The following HTR1E variants were observed in gnomAD, a reference collection of about 807,000 sequenced individuals.
HTR1E encodes 5-hydroxytryptamine receptor 1E, also known as 5-HT-1E.
HTR1E carries 3 observed loss-of-function variants against 3.4 expected under a neutral mutation model. The observed-to-expected ratio is 0.89, with a 90% CI of 0.41 to 2.31. The LOEUF is 2.31. Ranked by LOEUF, HTR1E falls within the 30% of genes most tolerant of loss-of-function variation. The pLI is 0.05. For synonymous variants in HTR1E, 170 were observed against 182.8 expected (o/e 0.93, Z 0.56); for missense variants, 392 against 467.0 (o/e 0.84, Z 1.48).
intron 1 of HTR1E, among the ~76,000 whole-genome samples, chr6:86,962,711 G>A (rs1767426124): frequency 6.6e-6 from 1 of 152,030 alleles, no homozygotes; most frequent in Non-Finnish European, 1.5e-5. Context: ...AGTGGTGCAT[G>A]CCTATAGTCC....
chr6:86,986,249 T>C (rs1767785071), intron 1 of HTR1E, among the ~76,000 whole-genome samples: 2 of 152,316 alleles, frequency 1.3e-5, no homozygotes, highest in South Asian at 2.1e-4. Context: ...ATATGCTTTT[T>C]TTCACAGGAG....
At chr6:86,986,074 C>T (rs185939102) in intron 1 of HTR1E, among the ~76,000 whole-genome samples, 53 of 152,300 alleles carry the variant, frequency 3.5e-4, no homozygotes, top group African/African-American at 1.2e-3. Context: ...TCTCCACAGA[C>T]TCTTCACCTC....
chr6:86,947,121 A>C (rs893158232), intron 1 of HTR1E, among the ~76,000 whole-genome samples: 1 of 152,282 alleles, frequency 6.6e-6, no homozygotes, highest in Admixed American at 6.5e-5. Context: ...TGTCTCAAAA[A>C]AAAAATGCAC....
At chr6:86,997,702 A>T (rs1480774106) in intron 1 of HTR1E, among the ~76,000 whole-genome samples, 2 of 151,852 alleles carry the variant, frequency 1.3e-5, no homozygotes, top group Admixed American at 1.3e-4. Flanking sequence ...AGGCTTGGAC[A>T]AATAGAAAAT....
At chr6:86,943,724 TTTCCTCATTTG>T (rs71710541) in intron 1 of HTR1E, among the ~76,000 whole-genome samples, 56,790 of 151,932 alleles carry the variant, frequency 0.37, 12,778 homozygotes, top group Non-Finnish European at 0.48. Flanking sequence ...TAAACCTCAG[TTTCCTCATTTG>T]TTGGGGCTCA....
intron 1 of HTR1E, among the ~76,000 whole-genome samples, chr6:86,942,699 T>C (rs529196088): frequency 6.6e-6 from 1 of 152,358 alleles, no homozygotes; most frequent in Non-Finnish European, 1.5e-5. Flanking sequence ...TTTTATTTCA[T>C]AGATTGTAAA....
intron 1 of HTR1E, among the ~76,000 whole-genome samples, chr6:87,010,475 TCG>T (rs1768205907): frequency 7.0e-6 from 1 of 142,962 alleles, no homozygotes; most frequent in African/African-American, 2.6e-5. Flanking sequence ...AGACGGGGTC[TCG>T]GCCGGGCAGA....
At chr6:86,985,209 G>T (rs981851159) in intron 1 of HTR1E, among the ~76,000 whole-genome samples, 3 of 152,036 alleles carry the variant, frequency 2.0e-5, no homozygotes, top group Non-Finnish European at 1.5e-5. Context: ...AGCAGTGCTG[G>T]GTTACCTCAA....
At chr6:86,955,681 A>C (rs896646828) in intron 1 of HTR1E, among the ~76,000 whole-genome samples, 4 of 152,194 alleles carry the variant, frequency 2.6e-5, no homozygotes, top group Non-Finnish European at 4.4e-5. Flanking sequence ...AATGTAAAAT[A>C]ACATTTTACA....
chr6:86,999,508 TA>T (rs1298926822), intron 1 of HTR1E, among the ~76,000 whole-genome samples: 2 of 152,188 alleles, frequency 1.3e-5, no homozygotes, highest in Non-Finnish European at 2.9e-5. Flanking sequence ...GGAACAATCC[TA>T]AACATTTTCC....
At chr6:86,979,603 GT>G (rs1054000433) in intron 1 of HTR1E, among the ~76,000 whole-genome samples, 3 of 152,150 alleles carry the variant, frequency 2.0e-5, no homozygotes, top group African/African-American at 7.2e-5. Flanking sequence ...TAAATAAGAA[GT>G]CCCTGGAGAC....
intron 1 of HTR1E, among the ~76,000 whole-genome samples, chr6:86,964,728 C>T (rs1767452153): frequency 6.6e-6 from 1 of 152,120 alleles, no homozygotes; most frequent in African/African-American, 2.4e-5. Flanking sequence ...ATCCACAGTA[C>T]TGAAGAACTC....
At chr6:86,971,101 G>T in intron 1 of HTR1E, 1 of 510,296 alleles carries the variant, frequency 2.0e-6, no homozygotes, top group South Asian at 1.4e-5. Flanking sequence ...TCCATGAGGA[G>T]GAATGAAGAA....
At chr6:87,000,141 A>T (rs1480696477) in intron 1 of HTR1E, 1 of 159,242 alleles carries the variant, frequency 6.3e-6, no homozygotes, top group Non-Finnish European at 1.4e-5. Flanking sequence ...TTCCATTAAC[A>T]TTCCCTCTGT....
intron 1 of HTR1E, among the ~76,000 whole-genome samples, chr6:86,961,789 G>A (rs1219208653): frequency 6.6e-6 from 1 of 152,216 alleles, no homozygotes; most frequent in Non-Finnish European, 1.5e-5. Flanking sequence ...ACACAAAAAT[G>A]CATGCCTAGC....
intron 1 of HTR1E, among the ~76,000 whole-genome samples, chr6:86,995,592 G>A (rs1316613939): frequency 6.9e-6 from 1 of 144,262 alleles, no homozygotes; most frequent in African/African-American, 2.5e-5. Flanking sequence ...CTTGAACCTG[G>A]GAGGCGGAGG....
At chr6:86,958,544 A>C (rs1295775078) in intron 1 of HTR1E, among the ~76,000 whole-genome samples, 1 of 152,202 alleles carries the variant, frequency 6.6e-6, no homozygotes, top group African/African-American at 2.4e-5. Flanking sequence ...TGAGGGCAGG[A>C]GTCTCATCAA....
At chr6:87,004,723 G>T (rs1182856359) in intron 1 of HTR1E, among the ~76,000 whole-genome samples, 1 of 152,094 alleles carries the variant, frequency 6.6e-6, no homozygotes, top group African/African-American at 2.4e-5. Context: ...ATTTAACATA[G>T]TGCTGGAAGT....
At chr6:87,010,772 G>A (rs1415909408) in intron 1 of HTR1E, among the ~76,000 whole-genome samples, 2 of 151,186 alleles carry the variant, frequency 1.3e-5, no homozygotes, top group Admixed American at 6.6e-5. Flanking sequence ...CTGCAATCTC[G>A]GCACTTTGGG....
Sources: gnomAD v4.1 joint callset for allele counts (sites outside exome capture counted in the v4.1 genomes callset) on GRCh38, gnomAD v4.1.1 for gene constraint, MANE v1.5 for transcripts, NCBI Gene and HGNC (gene_info 2026-07-23, HGNC 2026-07-21) for gene names.